RAB11A: variants seen among roughly 807,000 people sequenced by gnomAD.
The protein encoded by RAB11A is RAB11A, member RAS oncogene family, also known as ras-related protein Rab-11A.
In RAB11A, 9 loss-of-function variants were observed where a neutral mutation model predicts 28.0. The ratio of observed to expected loss-of-function variants is 0.32; its 90% CI spans 0.19 to 0.56. The LOEUF is 0.56. Ranked by LOEUF, RAB11A falls within the 20% of genes least tolerant of loss-of-function variation. The pLI is 0.91. For missense variants in RAB11A, 108 were observed against 269.6 expected (o/e 0.40, Z 4.20); for synonymous variants, 85 against 88.2 (o/e 0.96, Z 0.20).
Position 65,879,474 on chromosome 15 carries a change from G to C in RAB11A, c.431-197G>C, listed in dbSNP as rs151331899. ...CAGGCTGGGCAACCTAGTGAGACCT[G>C]CATCTCTACTTATATAAAGAAGTAA... On this transcript the variant is annotated intron_variant, in intron 3 of 4. Coordinates refer to ENST00000261890, the MANE Select transcript of RAB11A (RefSeq NM_004663.5). 2.0e-5 allele frequency among the ~76,000 whole-genome samples: 3 copies of C among 152,280 alleles called. No homozygotes were observed. The East Asian group carries it at 5.8e-4, about 29-fold the overall frequency.
At position 65,891,565 on chromosome 15, in the gene RAB11A, T is replaced by C. The variant is rs1179357110; in HGVS notation, c.*3725T>C. The C allele has an allele frequency of 6.6e-6, 1 of 150,956 alleles. No individual in the cohort carries two copies. Among genetic ancestry groups the C allele is most frequent in the East Asian group, 1.9e-4 (1 of 5,202 alleles). The allele number at this position is 150,956 out of a possible 1,614,324, so 9.4% of individuals were successfully genotyped here. On this transcript the variant is annotated 3_prime_UTR_variant, in exon 5 of 5. Coordinates refer to ENST00000261890, the MANE Select transcript of RAB11A (RefSeq NM_004663.5). ...AATGAGGGTACCAGATTAAATAAAC[T>C]CTGGGGATTCATCCCAATTCGAACT...
intron 4 of RAB11A, among the ~76,000 whole-genome samples, chr15:65,882,643 T>G (rs2078229694): frequency 6.6e-6 from 1 of 152,174 alleles, no homozygotes. Context: ...GTTAATTGTG[T>G]TGTTGGTTTC....
chr15:65,881,477 A>G (rs938922041), intron 4 of RAB11A, among the ~76,000 whole-genome samples: 5 of 152,204 alleles, frequency 3.3e-5, no homozygotes, highest in African/African-American at 1.2e-4. Flanking sequence ...AAGGCCTCAG[A>G]AAGTCTCATC....
rs1023620699 is a variant in RAB11A at position 65,877,541 on chromosome 15, T to A, written c.236+14T>A. ...TATAACATCAGCGTAAGTCTCATGG[T>A]TTTTAAGTTCTGTGAAATGGGTTGC... On this transcript the variant is annotated intron_variant, in intron 2 of 4. Transcript: ENST00000261890. This position sits in a 1 kb window ranked among gnomAD's most constrained non-coding sequence, Gnocchi z 4.1. 6.3e-7 allele frequency: 1 copy of A among 1,599,080 alleles called. No homozygotes were observed. The highest frequency in any genetic ancestry group is 1.1e-5 in the South Asian group (1 of 89,388).
At chr15:65,885,943 C>T (rs966022532) in intron 4 of RAB11A, among the ~76,000 whole-genome samples, 8 of 152,146 alleles carry the variant, frequency 5.3e-5, no homozygotes, top group Admixed American at 2.6e-4. Flanking sequence ...GGAGGATGAA[C>T]GGATCAGTGG....
rs1295853958 is a variant in RAB11A, at chr15:65,890,750, T to A, written c.*2910T>A. Reference sequence around the variant, plus strand: ...CTTCCATCTACCTTAGAGAAGAAGCTGTACTATTTAGACAGTTTTGGCCAA... The same window carrying A: ...CTTCCATCTACCTTAGAGAAGAAGCAGTACTATTTAGACAGTTTTGGCCAA... On this transcript the variant is annotated 3_prime_UTR_variant, in exon 5 of 5. Transcript: ENST00000261890. 6.6e-6 allele frequency: 1 copy of A among 152,230 alleles called. No homozygotes were observed. Among genetic ancestry groups the A allele is most frequent in the Non-Finnish European group, 1.5e-5 (1 of 68,034 alleles). The allele number at this position is 152,230 out of a possible 1,614,324, so 9.4% of individuals were successfully genotyped here.
At chr15:65,875,518 A>G (rs1188404517) in intron 1 of RAB11A, among the ~76,000 whole-genome samples, 1 of 152,082 alleles carries the variant, frequency 6.6e-6, no homozygotes, top group African/African-American at 2.4e-5. Context: ...TAACTTTGAC[A>G]TTTTCTTCTG....
chr15:65,871,919 G>GTTTTTTTTTTTTTTTTT, intron 1 of RAB11A, among the ~76,000 whole-genome samples: 1 of 72,034 alleles, frequency 1.4e-5, no homozygotes, highest in African/African-American at 5.6e-5. Context: ...GGTTTTGTCA[G>GTTTTTTTTTTTTTTTTT]TTTTTTTTTT....
At chr15:65,875,909 A>T (rs2078189035) in intron 1 of RAB11A, among the ~76,000 whole-genome samples, 1 of 152,214 alleles carries the variant, frequency 6.6e-6, no homozygotes. Flanking sequence ...TCTAGTCCTG[A>T]TGTCTAAATC....
At chr15:65,870,406 C>T (rs570408104) in intron 1 of RAB11A, among the ~76,000 whole-genome samples, 1 of 152,360 alleles carries the variant, frequency 6.6e-6, no homozygotes, top group Non-Finnish European at 1.5e-5. Context: ...ATCACCCACT[C>T]GCGCACTTGT....
At chr15:65,874,182 G>C (rs949306260) in intron 1 of RAB11A, among the ~76,000 whole-genome samples, 1 of 151,370 alleles carries the variant, frequency 6.6e-6, no homozygotes, top group East Asian at 1.9e-4. Context: ...TTCAGTATTA[G>C]GTATTTGCGA....
intron 1 of RAB11A, among the ~76,000 whole-genome samples, chr15:65,875,361 G>A (rs1053921337): frequency 2.6e-5 from 4 of 152,044 alleles, no homozygotes; most frequent in Non-Finnish European, 5.9e-5. Flanking sequence ...GTACTAAGAG[G>A]CAACAGTGAA....
At chr15:65,873,773 A>G (rs1462910393) in intron 1 of RAB11A, among the ~76,000 whole-genome samples, 11 of 151,454 alleles carry the variant, frequency 7.3e-5, no homozygotes, top group Non-Finnish European at 1.0e-4. Context: ...TCTTTTTTGT[A>G]GAGATAGGGT....
At position 65,875,011 on chromosome 15, in the gene RAB11A, G is replaced by A. The variant is rs62014439; in HGVS notation, c.41-2321G>A. ...TGCAGTGGGCTCTGCTTGTGCCGTG[G>A]CACTCCAGCCTGGGCGACAGTGAGA... On this transcript the variant is annotated intron_variant, in intron 1 of 4. Coordinates refer to ENST00000261890, the MANE Select transcript of RAB11A (RefSeq NM_004663.5). Among the ~76,000 whole-genome samples, 861 of 152,234 alleles carry A rather than the reference G, an allele frequency of 5.7e-3. 6 individuals carry two copies. The highest frequency in any genetic ancestry group is 9.0e-3 in the Non-Finnish European group (609 of 68,016).
At chr15:65,876,090 CAACTT>C in intron 1 of RAB11A, among the ~76,000 whole-genome samples, 1 of 152,218 alleles carries the variant, frequency 6.6e-6, no homozygotes, top group African/African-American at 2.4e-5. Context: ...TGTTTTAAAA[CAACTT>C]AACTGCCTGT....
In RAB11A at chr15:65,889,733, G is replaced by C. The variant is rs929031931; in HGVS notation, c.*1893G>C. ...TCTATTTTATTGAAAGTTGGTGGTA[G>C]ATTTTTTACAAAGTAAGGAGAAAAG... On this transcript the variant is annotated 3_prime_UTR_variant, in exon 5 of 5. Transcript: ENST00000261890. 3.3e-5 allele frequency: 5 copies of C among 152,190 alleles called. No homozygotes were observed. Among genetic ancestry groups the C allele is most frequent in the Admixed American group, 1.3e-4 (2 of 15,274 alleles). 9.4% of individuals were successfully genotyped at this position (152,190 alleles called of 1,614,324 possible).
intron 1 of RAB11A, among the ~76,000 whole-genome samples, chr15:65,873,039 A>G (rs2078172319): frequency 6.6e-6 from 1 of 152,222 alleles, no homozygotes; most frequent in South Asian, 2.1e-4. Context: ...GGAGTGGTCT[A>G]AATAGGAATG....
Position 65,888,040 on chromosome 15 carries a change from G to C in RAB11A, c.*200G>C. 2.1e-6 allele frequency: 1 copy of C among 471,692 alleles called. No individual in the cohort carries two copies. Among genetic ancestry groups the C allele is most frequent in the Non-Finnish European group, 3.6e-6 (1 of 280,086 alleles). 29.2% of individuals were successfully genotyped at this position (471,692 alleles called of 1,614,324 possible). Reference sequence around the variant, plus strand: ...GACTGCAGCTTTTTTTCATGCTATGGCTTCACTAGCCTTAGTTTAATAAAC... The same window carrying C: ...GACTGCAGCTTTTTTTCATGCTATGCCTTCACTAGCCTTAGTTTAATAAAC... On this transcript the variant is annotated 3_prime_UTR_variant, in exon 5 of 5. Transcript: ENST00000261890.
chr15:65,879,019 G>T (rs1182615834), intron 3 of RAB11A, among the ~76,000 whole-genome samples: 2 of 147,290 alleles, frequency 1.4e-5, no homozygotes, highest in African/African-American at 5.1e-5. Context: ...TGGGAGCCAG[G>T]ATCTCACTCT....
Sources: gnomAD v4.1 joint callset for allele counts (sites outside exome capture counted in the v4.1 genomes callset) on GRCh38, gnomAD v4.1.1 for gene constraint, Gnocchi (gnomAD v3.1) non-coding constraint, MANE v1.5 for transcripts, NCBI Gene and HGNC (gene_info 2026-07-23, HGNC 2026-07-21) for gene names.